Variants in DLGAP2 observed in about 807,000 individuals in gnomAD.
DLGAP2 encodes disks large-associated protein 2.
In DLGAP2, 26 loss-of-function variants were observed where a neutral mutation model predicts 100.3. The observed-to-expected ratio is 0.26, with a 90% CI of 0.19 to 0.36. The LOEUF (loss-of-function observed/expected upper bound fraction) is 0.36. Ranked by LOEUF, DLGAP2 falls within the 10% of genes least tolerant of loss-of-function variation. DLGAP2 has a pLI of 1.00. For synonymous variants in DLGAP2, 886 were observed against 630.1 expected (o/e 1.41, Z -6.08); for missense variants, 1,858 against 1,453.2 (o/e 1.28, Z -4.53).
intron 3 of DLGAP2, among the ~76,000 whole-genome samples, chr8:1,274,692 T>G (rs796081272): frequency 9.3e-5 from 13 of 139,356 alleles, no homozygotes; most frequent in African/African-American, 3.4e-4. Flanking sequence ...TGTTTTCATT[T>G]ATCTTTTTTT....
chr8:1,130,224 A>C (rs1314672854), intron 2 of DLGAP2, among the ~76,000 whole-genome samples: 2 of 152,042 alleles, frequency 1.3e-5, no homozygotes, highest in East Asian at 1.9e-4. Context: ...TGACAAACGC[A>C]CTCTGGCCTC....
chr8:742,822 A>G (rs897247730), intron 1 of DLGAP2, among the ~76,000 whole-genome samples: 4 of 152,014 alleles, frequency 2.6e-5, no homozygotes, highest in African/African-American at 9.7e-5. Flanking sequence ...TTGGCTCTTT[A>G]TTTGACCTCA....
intron 3 of DLGAP2, among the ~76,000 whole-genome samples, chr8:1,421,811 A>G (rs917224177): frequency 6.6e-6 from 1 of 152,010 alleles, no homozygotes; most frequent in African/African-American, 2.4e-5. Flanking sequence ...TATAAATACA[A>G]AAATTAGCCA....
At chr8:1,350,085 C>T (rs924907251) in intron 3 of DLGAP2, among the ~76,000 whole-genome samples, 26 of 152,134 alleles carry the variant, frequency 1.7e-4, no homozygotes, top group African/African-American at 6.3e-4. Context: ...TATAAGGTGC[C>T]AATAATTTAT....
intron 1 of DLGAP2, among the ~76,000 whole-genome samples, chr8:762,342 T>C (rs143095475): frequency 3.3e-5 from 5 of 152,360 alleles, no homozygotes; most frequent in African/African-American, 1.2e-4. Context: ...TTTTAAAATG[T>C]AAATTGTATT....
intron 6 of DLGAP2, among the ~76,000 whole-genome samples, chr8:1,603,128 C>T (rs1444370559): frequency 2.1e-5 from 2 of 93,446 alleles, no homozygotes; most frequent in Non-Finnish European, 4.6e-5. Flanking sequence ...TCTCAGTTCT[C>T]CACAGGCTGG....
chr8:1,038,117 A>G (rs770087844), intron 2 of DLGAP2, among the ~76,000 whole-genome samples: 14 of 152,198 alleles, frequency 9.2e-5, no homozygotes, highest in Non-Finnish European at 1.6e-4. Flanking sequence ...GTGTGTTCAT[A>G]TACAAGTGTT....
At chr8:1,323,367 G>A (rs1800949644) in intron 3 of DLGAP2, among the ~76,000 whole-genome samples, 2 of 152,210 alleles carry the variant, frequency 1.3e-5, no homozygotes, top group East Asian at 1.9e-4. Context: ...AAACAACCAC[G>A]ATGCACATCC....
chr8:925,775 G>A (rs1290367211), intron 2 of DLGAP2, among the ~76,000 whole-genome samples: 1 of 152,106 alleles, frequency 6.6e-6, no homozygotes, highest in Non-Finnish European at 1.5e-5. Context: ...TCTGAGATCT[G>A]CTCAGCCAGC....
At chr8:1,149,735 T>C (rs1019851400) in intron 2 of DLGAP2, among the ~76,000 whole-genome samples, 1 of 152,258 alleles carries the variant, frequency 6.6e-6, no homozygotes, top group Non-Finnish European at 1.5e-5. Context: ...TTATATTCTT[T>C]GTTCTCCCTT....
intron 3 of DLGAP2, among the ~76,000 whole-genome samples, chr8:1,386,519 C>T (rs1014353416): frequency 7.9e-5 from 12 of 152,128 alleles, no homozygotes; most frequent in South Asian, 4.2e-4. Flanking sequence ...GTGGCTGCTC[C>T]GGAGCTCCAG....
chr8:1,434,712 C>A (rs1797565429), intron 3 of DLGAP2, among the ~76,000 whole-genome samples: 1 of 152,186 alleles, frequency 6.6e-6, no homozygotes, highest in East Asian at 1.9e-4. Flanking sequence ...CAGACTCAGG[C>A]AATCTTCCAG....
At chr8:1,437,238 G>A (rs962954524) in intron 3 of DLGAP2, among the ~76,000 whole-genome samples, 3 of 152,002 alleles carry the variant, frequency 2.0e-5, no homozygotes, top group Non-Finnish European at 4.4e-5. Context: ...TCTGCGTTCA[G>A]CCCAGGCGCG....
intron 1 of DLGAP2, among the ~76,000 whole-genome samples, chr8:900,645 G>A (rs539434161): frequency 2.0e-5 from 3 of 152,296 alleles, no homozygotes; most frequent in African/African-American, 4.8e-5. Flanking sequence ...GAGGCTACAC[G>A]TAAACTGGAA....
chr8:1,057,064 T>C (rs899505846), intron 2 of DLGAP2, among the ~76,000 whole-genome samples: 3 of 152,248 alleles, frequency 2.0e-5, no homozygotes, highest in African/African-American at 7.2e-5. Context: ...GAGGAACTAC[T>C]GTGAGATACA....
At chr8:1,091,996 A>C (rs549315766) in intron 2 of DLGAP2, among the ~76,000 whole-genome samples, 1 of 152,202 alleles carries the variant, frequency 6.6e-6, no homozygotes, top group Admixed American at 6.5e-5. Context: ...CTGATTGTTC[A>C]GTAGTGACAA....
chr8:1,614,090 G>C (rs1262301934), intron 6 of DLGAP2, among the ~76,000 whole-genome samples: 2 of 152,194 alleles, frequency 1.3e-5, no homozygotes, highest in African/African-American at 2.4e-5. Flanking sequence ...TTCACTGCAA[G>C]TGTATGCCCT....
chr8:866,961 T>C (rs921653754), intron 1 of DLGAP2, among the ~76,000 whole-genome samples: 1 of 152,128 alleles, frequency 6.6e-6, no homozygotes, highest in Non-Finnish European at 1.5e-5. Context: ...CCTTACAGGC[T>C]CACTGCCTTG....
intron 1 of DLGAP2, among the ~76,000 whole-genome samples, chr8:769,378 G>T (rs1352627736): frequency 1.3e-5 from 2 of 151,910 alleles, no homozygotes; most frequent in Non-Finnish European, 2.9e-5. Flanking sequence ...GTTGTGAAGT[G>T]GGATGCCCCA....
Sources: allele counts gnomAD v4.1 joint callset (sites outside exome capture counted in the v4.1 genomes callset), GRCh38; gene constraint gnomAD v4.1.1; transcripts MANE v1.5; gene names NCBI Gene and HGNC (gene_info 2026-07-23, HGNC 2026-07-21).